The following STK3 variants were observed in gnomAD, a reference collection of about 807,000 sequenced individuals.
The protein encoded by STK3 is serine/threonine-protein kinase 3.
Under a neutral mutation model 58.0 loss-of-function variants are expected in STK3, and 41 were observed. That is an observed-to-expected ratio of 0.71 (90% confidence interval 0.55 to 0.92). The LOEUF (loss-of-function observed/expected upper bound fraction) is 0.92, where lower values mean the gene tolerates loss of function less well. Ranked by LOEUF, STK3 falls within the 40% of genes least tolerant of loss-of-function variation. STK3 has a pLI of 0.00. For synonymous variants in STK3, 170 were observed against 191.0 expected (o/e 0.89, Z 0.91); for missense variants, 479 against 602.7 (o/e 0.79, Z 2.15).
intron 10 of STK3, among the ~76,000 whole-genome samples, chr8:98,506,479 T>G (rs1291985819): frequency 6.6e-6 from 1 of 152,140 alleles, no homozygotes; most frequent in African/African-American, 2.4e-5. Flanking sequence ...GTCTTCTGCG[T>G]CAATCACACT....
At chr8:98,519,271 T>C (rs1825173721) in intron 10 of STK3, among the ~76,000 whole-genome samples, 1 of 151,990 alleles carries the variant, frequency 6.6e-6, no homozygotes, top group Non-Finnish European at 1.5e-5. Flanking sequence ...AACATGCTGC[T>C]ATACTGGTAA....
chr8:98,511,708 A>T (rs546861667), intron 10 of STK3, among the ~76,000 whole-genome samples: 1 of 152,252 alleles, frequency 6.6e-6, no homozygotes, highest in Non-Finnish European at 1.5e-5. Flanking sequence ...ATCTGAACAC[A>T]GAACACAGAA....
chr8:98,809,003 T>C (rs1834053580), intron 1 of STK3, among the ~76,000 whole-genome samples: 2 of 152,130 alleles, frequency 1.3e-5, no homozygotes, highest in Non-Finnish European at 1.5e-5. Flanking sequence ...GAAGCCTCCA[T>C]AAAAACCCTA....
intron 10 of STK3, among the ~76,000 whole-genome samples, chr8:98,491,856 T>A (rs754348689): frequency 2.6e-5 from 4 of 152,208 alleles, no homozygotes; most frequent in Non-Finnish European, 5.9e-5. Context: ...TTTATGTTAC[T>A]TATGCTTAGC....
chr8:98,351,040 A>G, the STK3 span, among the ~76,000 whole-genome samples: 1 of 152,252 alleles, frequency 6.6e-6, no homozygotes, highest in South Asian at 2.1e-4. Flanking sequence ...AGAAAATGAA[A>G]TAACATATTT....
At chr8:98,599,001 A>G (rs1816079360) in intron 6 of STK3, 1 of 624,442 alleles carries the variant, frequency 1.6e-6, no homozygotes, top group African/African-American at 2.0e-5. Flanking sequence ...AATGAGAATC[A>G]ACAATGACTG....
At chr8:98,676,154 T>G (rs1823193773) in intron 6 of STK3, among the ~76,000 whole-genome samples, 1 of 152,152 alleles carries the variant, frequency 6.6e-6, no homozygotes, top group South Asian at 2.1e-4. Context: ...GTACCCAGAA[T>G]AGTCAGATTT....
chr8:98,840,561 C>A (rs1428279100), intron 3 of STK3, among the ~76,000 whole-genome samples: 1 of 126,674 alleles, frequency 7.9e-6, no homozygotes, highest in African/African-American at 3.1e-5. Context: ...AACAGAGTGA[C>A]AACCTGTCTC....
intron 4 of STK3, among the ~76,000 whole-genome samples, chr8:98,731,220 C>A (rs994508407): frequency 5.3e-5 from 8 of 151,954 alleles, no homozygotes; most frequent in African/African-American, 1.9e-4. Context: ...CAAGTAAACC[C>A]CAGAAGGACT....
chr8:98,920,560 G>A (rs1340216156), intron 1 of STK3, among the ~76,000 whole-genome samples: 1 of 152,198 alleles, frequency 6.6e-6, no homozygotes, highest in Non-Finnish European at 1.5e-5. Context: ...GCCACAAGTG[G>A]TGCAGCCGTT....
intron 3 of STK3, among the ~76,000 whole-genome samples, chr8:98,857,035 G>T (rs1296692349): frequency 6.6e-6 from 1 of 152,148 alleles, no homozygotes; most frequent in Non-Finnish European, 1.5e-5. Context: ...TGGATTAATA[G>T]TTGCTTAGGG....
At chr8:98,739,156 G>A (rs1259270666) in intron 4 of STK3, among the ~76,000 whole-genome samples, 2 of 152,248 alleles carry the variant, frequency 1.3e-5, no homozygotes, top group Admixed American at 1.3e-4. Flanking sequence ...CTCCACCTCT[G>A]GGGGCAGGGC....
chr8:98,480,359 A>G (rs1180155812), intron 10 of STK3, among the ~76,000 whole-genome samples: 1 of 152,234 alleles, frequency 6.6e-6, no homozygotes, highest in Non-Finnish European at 1.5e-5. Context: ...AGAAAATATG[A>G]AGTCCAGAAG....
intron 3 of STK3, among the ~76,000 whole-genome samples, chr8:98,408,480 CAGG>C (rs1042587579): frequency 4.6e-5 from 7 of 152,102 alleles, no homozygotes; most frequent in East Asian, 1.9e-4. Flanking sequence ...TGAGAAAGAC[CAGG>C]AGAAGAGAAA....
chr8:98,423,619 G>A (rs1783821264), intron 3 of STK3, among the ~76,000 whole-genome samples: 1 of 152,206 alleles, frequency 6.6e-6, no homozygotes, highest in African/African-American at 2.4e-5. Flanking sequence ...CTGGTGGGGA[G>A]CAGGATGGAC....
At chr8:98,484,578 T>C (rs866425335) in intron 10 of STK3, among the ~76,000 whole-genome samples, 39 of 152,254 alleles carry the variant, frequency 2.6e-4, no homozygotes, top group South Asian at 1.0e-3. Flanking sequence ...ACTTTCAATG[T>C]GACTAAACGA....
intron 1 of STK3, among the ~76,000 whole-genome samples, chr8:98,893,486 G>GAAGGAAAGAGAAAGAAAGAA (rs776247646): frequency 7.0e-5 from 3 of 42,998 alleles, no homozygotes; most frequent in Non-Finnish European, 1.3e-4. Flanking sequence ...AAGAAAGAAA[G>GAAGGAAAGAGAAAGAAAGAA]AGAAAGAAAG....
At chr8:98,460,447 T>C (rs1017396650) in intron 10 of STK3, among the ~76,000 whole-genome samples, 1 of 152,174 alleles carries the variant, frequency 6.6e-6, no homozygotes, top group Non-Finnish European at 1.5e-5. Context: ...GACTTGGACT[T>C]TTGGGTTAAT....
At chr8:98,437,544 C>CTT (rs1414394610) in intron 1 of STK3, 1 of 152,186 alleles carries the variant, frequency 6.6e-6, no homozygotes, top group East Asian at 1.9e-4. Context: ...ACTTAAAACT[C>CTT]TTTTTGTCGC....
Sources: allele counts gnomAD v4.1 joint callset (sites outside exome capture counted in the v4.1 genomes callset), GRCh38; gene constraint gnomAD v4.1.1; transcripts MANE v1.5; gene names NCBI Gene and HGNC (gene_info 2026-07-23, HGNC 2026-07-21).